Variants in PARP8 observed in about 807,000 individuals in gnomAD.
PARP8 encodes the protein poly(ADP-ribose) polymerase family member 8.
Under a neutral mutation model 124.1 loss-of-function variants are expected in PARP8, and 51 were observed. That is an observed-to-expected ratio of 0.41 (90% confidence interval 0.33 to 0.52). PARP8 has a LOEUF of 0.52. PARP8 is among the 20% of genes least tolerant of loss of function. The pLI is 0.21. For missense variants in PARP8, 860 were observed against 1,018.9 expected, an observed-to-expected ratio of 0.84 and a Z score of 2.12; for synonymous variants, 391 against 361.5, an observed-to-expected ratio of 1.08 and a Z score of -0.93.
rs561284556 is a variant in PARP8, at chr5:50,817,983, A to T, written c.1668+2459A>T. On this transcript the variant is annotated intron_variant, in intron 15 of 25. Coordinates refer to ENST00000281631, the MANE Select transcript of PARP8 (RefSeq NM_024615.4). ...AAATGTCCTAATTTTTCTTGCTTAA[A>T]CCTAATATTTCTTTGCATTTCCATC... Among the ~76,000 whole-genome samples, 18 of 152,248 alleles carry T rather than the reference A, an allele frequency of 1.2e-4. 1 individual carries two copies. The highest frequency in any genetic ancestry group is 4.3e-4 in the African/African-American group (18 of 41,542).
intron 14 of PARP8, among the ~76,000 whole-genome samples, chr5:50,813,646 A>T (rs1051631290): frequency 2.0e-5 from 3 of 152,176 alleles, no homozygotes; most frequent in Admixed American, 2.0e-4. Flanking sequence ...AGGAGTGGTG[A>T]GAGAGGGCAT....
rs372647031 is a variant in PARP8 at position 50,702,574 on chromosome 5, T to A, written c.146+34449T>A. On this transcript the variant is annotated intron_variant, in intron 2 of 25. Transcript: ENST00000281631. ...TCACTCAAAACTTAGAAGATGAGGC[T>A]CTTGCTTTTGACATCTTAGTCTTAG... is the stretch of plus-strand genomic sequence containing the variant. Among the ~76,000 whole-genome samples the A allele has an allele frequency of 1.8e-3, 271 of 152,334 alleles. 3 individuals are homozygous for A. Among genetic ancestry groups the A allele is most frequent in the African/African-American group, 6.2e-3 (257 of 41,588 alleles).
At chr5:50,671,923 T>C (rs1030204484) in intron 2 of PARP8, among the ~76,000 whole-genome samples, 1 of 152,238 alleles carries the variant, frequency 6.6e-6, no homozygotes, top group Non-Finnish European at 1.5e-5. Flanking sequence ...TGTGTGGTCA[T>C]GGATATATTG....
At chr5:50,669,057 A>G (rs1749698090) in intron 2 of PARP8, 1 of 152,246 alleles carries the variant, frequency 6.6e-6, no homozygotes, top group Non-Finnish European at 1.5e-5. Context: ...TAAAAGCTTG[A>G]AATTGATGTG....
chr5:50,710,080 A>G (rs1272770110), intron 2 of PARP8, among the ~76,000 whole-genome samples: 1 of 151,360 alleles, frequency 6.6e-6, no homozygotes, highest in Admixed American at 6.6e-5. Flanking sequence ...ATAAGGAGAA[A>G]CTGTTTAGAT....
chr5:50,753,089 T>C (rs1310076887), intron 3 of PARP8, among the ~76,000 whole-genome samples: 1 of 152,102 alleles, frequency 6.6e-6, no homozygotes, highest in East Asian at 1.9e-4. Context: ...GGCCTTGTGA[T>C]TTACTTGTAC....
chr5:50,828,250 T>C, intron 20 of PARP8, 62 bp from the exon 21 acceptor site: 1 of 1,503,472 alleles, frequency 6.7e-7, no homozygotes. Context: ...TATTATGTTT[T>C]GACCACTTTG....
intron 25 of PARP8, among the ~76,000 whole-genome samples, chr5:50,841,177 C>T (rs991296470): frequency 6.6e-6 from 1 of 151,804 alleles, no homozygotes; most frequent in South Asian, 2.1e-4. Context: ...TGTCTTGAAG[C>T]CATTTTTATG....
At chr5:50,787,112 T>C (rs1010928386) in intron 9 of PARP8, among the ~76,000 whole-genome samples, 2 of 152,158 alleles carry the variant, frequency 1.3e-5, no homozygotes, top group African/African-American at 4.8e-5. Flanking sequence ...TAACTCTTCT[T>C]TTTTTTCATA....
intron 25 of PARP8, among the ~76,000 whole-genome samples, chr5:50,836,250 A>T (rs1747569813): frequency 6.6e-6 from 1 of 152,172 alleles, no homozygotes; most frequent in East Asian, 1.9e-4. Flanking sequence ...AGATAGTTTG[A>T]ATCCTGGCTG....
At chr5:50,785,946 T>G (rs560073327) in intron 9 of PARP8, among the ~76,000 whole-genome samples, 2 of 152,304 alleles carry the variant, frequency 1.3e-5, no homozygotes, top group African/African-American at 4.8e-5. Context: ...CGCTTTCACC[T>G]AATTAGGACA....
At position 50,826,959 on chromosome 5, in the gene PARP8, A is replaced by T. The variant is rs796898827; in HGVS notation, c.1977+156A>T. Among the ~76,000 whole-genome samples, 13 of 152,270 alleles carry T rather than the reference A, an allele frequency of 8.5e-5. 1 individual carries two copies. The highest frequency in any genetic ancestry group is 3.1e-4 in the African/African-American group (13 of 41,582). On this transcript the variant is annotated intron_variant, in intron 19 of 25. Transcript: ENST00000281631. ...CTTTAGTTTGAAATAGCCATTGCTC[A>T]CTAGCTCCAAACCTTTCCAAGATAA...
chr5:50,763,383 C>T (rs762684087), intron 7 of PARP8, 141 bp downstream of exon 7: 14 of 590,342 alleles, frequency 2.4e-5, no homozygotes, highest in Non-Finnish European at 4.2e-5. Flanking sequence ...TTTATCCTTA[C>T]ACAAAATGAC....
At chr5:50,796,304 A>G (rs1272264236) in intron 12 of PARP8, among the ~76,000 whole-genome samples, 5 of 152,220 alleles carry the variant, frequency 3.3e-5, no homozygotes, top group South Asian at 4.1e-4. Context: ...TTATTCTTAT[A>G]TAGGTTTATT....
chr5:50,738,173 A>G (rs1395028697), intron 2 of PARP8, among the ~76,000 whole-genome samples: 1 of 152,238 alleles, frequency 6.6e-6, no homozygotes, highest in Non-Finnish European at 1.5e-5. Context: ...CTTTACATAC[A>G]TATAGTATTT....
chr5:50,755,594 T>C (rs1315557590), intron 3 of PARP8, among the ~76,000 whole-genome samples: 2 of 152,222 alleles, frequency 1.3e-5, no homozygotes, highest in Non-Finnish European at 2.9e-5. Context: ...CCTTATAGTA[T>C]AGTTTGAAGT....
intron 14 of PARP8, among the ~76,000 whole-genome samples, chr5:50,807,284 G>A (rs1388833750): frequency 6.6e-6 from 1 of 151,834 alleles, no homozygotes; most frequent in African/African-American, 2.4e-5. Context: ...CTCCTTCTTC[G>A]CTTTTGTTTA....
intron 12 of PARP8, 69 bp from the exon 13 acceptor site, chr5:50,796,912 TA>T (rs1210858425): frequency 1.5e-6 from 2 of 1,323,152 alleles, no homozygotes; most frequent in East Asian, 2.5e-5. Context: ...TTGCAAAGAG[TA>T]AAAGCCTGTA....
At chr5:50,703,679 G>A (rs547328833) in intron 2 of PARP8, among the ~76,000 whole-genome samples, 4 of 152,240 alleles carry the variant, frequency 2.6e-5, no homozygotes, top group South Asian at 2.1e-4. Context: ...AGGCTCTTCA[G>A]TTGTATAATG....
Sources: gnomAD v4.1 joint callset for allele counts (sites outside exome capture counted in the v4.1 genomes callset) on GRCh38, gnomAD v4.1.1 for gene constraint, MANE v1.5 for transcripts, NCBI Gene and HGNC (gene_info 2026-07-23, HGNC 2026-07-21) for gene names.